SEZ6L: variants seen among roughly 807,000 people sequenced by gnomAD.
The protein encoded by SEZ6L is seizure related 6 homolog like.
A neutral mutation model predicts 106.2 loss-of-function variants in SEZ6L; 37 were observed. The observed-to-expected ratio is 0.35, with a 90% CI of 0.27 to 0.46. SEZ6L has a LOEUF of 0.46. SEZ6L is among the 20% of genes least tolerant of loss of function. SEZ6L has a pLI of 1.00. For missense variants in SEZ6L, 1,172 were observed against 1,332.8 expected (o/e 0.88, Z 1.88); for synonymous variants, 541 against 570.4 (o/e 0.95, Z 0.73).
chr22:26,285,711 C>T (rs1290912710), intron 1 of SEZ6L, among the ~76,000 whole-genome samples: 1 of 152,178 alleles, frequency 6.6e-6, no homozygotes, highest in Non-Finnish European at 1.5e-5. Flanking sequence ...AAAAATGATC[C>T]AGCCTAGATG....
In SEZ6L at chr22:26,382,211, T is replaced by C. The variant is rs16981991; in HGVS notation, c.*1916T>C. 0.011 allele frequency: 3,122 copies of C among 277,686 alleles called. 118 individuals carry two copies. The highest frequency in any genetic ancestry group is 0.064 in the African/African-American group (2,905 of 45,632). The allele number at this position is 277,686 out of a possible 1,614,324, so 17.2% of individuals were successfully genotyped here. On this transcript the variant is annotated 3_prime_UTR_variant, in exon 17 of 17. Transcript: ENST00000248933. ...AGAACCAGAGAAGTGTTCTAGGCCA[T>C]TAGTGGACAATGTCATGTTTGGAGA...
chr22:26,342,367 T>C (rs1186162462), intron 10 of SEZ6L, among the ~76,000 whole-genome samples: 1 of 152,042 alleles, frequency 6.6e-6, no homozygotes, highest in African/African-American at 2.4e-5. Context: ...TTCCATGTCT[T>C]TGGTTCTTTC....
intron 12 of SEZ6L, among the ~76,000 whole-genome samples, chr22:26,363,650 A>T (rs2083709561): frequency 6.6e-6 from 1 of 152,240 alleles, no homozygotes; most frequent in Admixed American, 6.5e-5. Flanking sequence ...GACGCTTCAA[A>T]CAACACGTTT....
At chr22:26,241,203 T>G (rs951043077) in intron 1 of SEZ6L, 1 of 152,268 alleles carries the variant, frequency 6.6e-6, no homozygotes, top group Non-Finnish European at 1.5e-5. Context: ...CAGCACTTAC[T>G]GGTTGCAAGT....
intron 1 of SEZ6L, among the ~76,000 whole-genome samples, chr22:26,170,843 C>T (rs553605643): frequency 1.3e-5 from 2 of 152,358 alleles, no homozygotes; most frequent in East Asian, 3.9e-4. Context: ...AGGCTGAAGA[C>T]AGAGGGAGCG....
intron 5 of SEZ6L, among the ~76,000 whole-genome samples, chr22:26,303,860 G>A (rs991807616): frequency 6.6e-6 from 1 of 152,124 alleles, no homozygotes; most frequent in Non-Finnish European, 1.5e-5. Flanking sequence ...GGAACCAAGC[G>A]TCCTGTGCTT....
rs1305696923 is a variant in SEZ6L, at chr22:26,351,206, G to T, written c.2562G>T (p.Gly854=). 1 of 1,614,026 alleles carries T rather than the reference G, an allele frequency of 6.2e-7. No individual in the cohort carries two copies. Among genetic ancestry groups the T allele is most frequent in the Non-Finnish European group, 8.5e-7 (1 of 1,180,012 alleles). The change falls in exon 12 of 17, where the codon GGG becomes GGT. Residue 854 remains glycine (G), a synonymous_variant. Coordinates refer to ENST00000248933, the MANE Select transcript of SEZ6L (RefSeq NM_021115.5). ...TGACCTGCTACAGCCGTGAAACAGG[G>T]ACTCCCATCTGGACGTCTCGCCTGC... ...SLLTCYSRET[G]TPIWTSRLPH... is the part of the protein sequence containing the mutation.
chr22:26,322,833 A>G (rs1387897815), intron 9 of SEZ6L, among the ~76,000 whole-genome samples: 1 of 152,186 alleles, frequency 6.6e-6, no homozygotes. Flanking sequence ...CAGCTCCATC[A>G]GAAATCTGCC....
chr22:26,175,529 A>C (rs772280661), intron 1 of SEZ6L, among the ~76,000 whole-genome samples: 29 of 152,186 alleles, frequency 1.9e-4, no homozygotes, highest in Non-Finnish European at 3.5e-4. Flanking sequence ...GGGTAAGTGC[A>C]CCAAACTCCA....
At chr22:26,372,456 G>A (rs1465790820) in intron 13 of SEZ6L, among the ~76,000 whole-genome samples, 1 of 152,176 alleles carries the variant, frequency 6.6e-6, no homozygotes, top group Non-Finnish European at 1.5e-5. Context: ...CACTTAGTTA[G>A]CCAGCTAGCT....
At chr22:26,220,284 T>C (rs2078426561) in intron 1 of SEZ6L, among the ~76,000 whole-genome samples, 1 of 152,206 alleles carries the variant, frequency 6.6e-6, no homozygotes, top group African/African-American at 2.4e-5. Flanking sequence ...TGGAGCTACA[T>C]CAATGAACAA....
At chr22:26,287,449 A>G (rs1165803797) in intron 1 of SEZ6L, among the ~76,000 whole-genome samples, 1 of 152,246 alleles carries the variant, frequency 6.6e-6, no homozygotes, top group Non-Finnish European at 1.5e-5. Context: ...TGATAAAGGA[A>G]GAATCAGATA....
At chr22:26,216,612 C>T (rs1200454258) in intron 1 of SEZ6L, among the ~76,000 whole-genome samples, 2 of 151,946 alleles carry the variant, frequency 1.3e-5, no homozygotes, top group African/African-American at 2.4e-5. Context: ...GCCGAGATTG[C>T]GCCATTGCAC....
intron 1 of SEZ6L, among the ~76,000 whole-genome samples, chr22:26,250,089 G>A (rs1442422198): frequency 6.6e-6 from 1 of 152,112 alleles, no homozygotes; most frequent in Non-Finnish European, 1.5e-5. Flanking sequence ...TGAATAGTTT[G>A]CAAATATTTT....
At chr22:26,176,720 T>C (rs1488395541) in intron 1 of SEZ6L, among the ~76,000 whole-genome samples, 1 of 152,236 alleles carries the variant, frequency 6.6e-6, no homozygotes, top group Non-Finnish European at 1.5e-5. Flanking sequence ...TCAATATATG[T>C]GCATATTCAT....
Position 26,294,317 on chromosome 22 carries a change from T to G in SEZ6L, c.861T>G (p.Asn287Lys). 6.2e-7 allele frequency: 1 copy of G among 1,614,056 alleles called. No homozygotes were observed. The highest frequency in any genetic ancestry group is 1.1e-5 in the South Asian group (1 of 91,064). ...APALCSVSFS[N>K]PEGYIDSSDY... Reference sequence around the variant, plus strand: ...CTCTCTGCAGTGTGAGCTTCTCCAATCCTGAGGGGTACATTGACTCCAGCG... The same window carrying G: ...CTCTCTGCAGTGTGAGCTTCTCCAAGCCTGAGGGGTACATTGACTCCAGCG... The change falls in exon 3 of 17, where the codon AAT (asparagine) becomes AAG (lysine). Residue 287 changes from asparagine to lysine, a missense_variant. By Grantham distance (94) the Asn-to-Lys change is moderately conservative. Coordinates refer to ENST00000248933, the MANE Select transcript of SEZ6L (RefSeq NM_021115.5).
At chr22:26,223,390 C>T (rs997830184) in intron 1 of SEZ6L, among the ~76,000 whole-genome samples, 2 of 152,190 alleles carry the variant, frequency 1.3e-5, no homozygotes, top group African/African-American at 2.4e-5. Context: ...TATTTTGCAA[C>T]ATAAGCCACT....
At position 26,328,040 on chromosome 22, in the gene SEZ6L, G is replaced by C. The variant is rs372702639; in HGVS notation, c.2016-12396G>C. ...CAACCCCTTCCTTGCTATTGAGTGG[G>C]GAAATGGGGAAAGTGTGTGGGTCCA... On this transcript the variant is annotated intron_variant, in intron 9 of 16. Transcript: ENST00000248933. 8.5e-5 allele frequency among the ~76,000 whole-genome samples: 13 copies of C among 152,344 alleles called. No individual in the cohort carries two copies. In the East Asian group the frequency reaches 1.2e-3, roughly 14 times the overall value.
intron 1 of SEZ6L, among the ~76,000 whole-genome samples, chr22:26,211,804 TAAAAAAAAAA>T (rs56124325): frequency 3.1e-4 from 15 of 48,088 alleles, no homozygotes; most frequent in African/African-American, 1.1e-3. Flanking sequence ...ACCTCGTCTC[TAAAAAAAAAA>T]AAAAAAAAAA....
Sources: gnomAD v4.1 joint callset for allele counts (sites outside exome capture counted in the v4.1 genomes callset) on GRCh38, gnomAD v4.1.1 for gene constraint, MANE v1.5 for transcripts, NCBI Gene and HGNC (gene_info 2026-07-23, HGNC 2026-07-21) for gene names.